Variants in ORC3 observed in about 807,000 individuals in gnomAD.
The protein encoded by ORC3 is origin recognition complex subunit 3.
In ORC3, 78 loss-of-function variants were observed where a neutral mutation model predicts 100.7. The ratio of observed to expected loss-of-function variants is 0.77; its 90% CI spans 0.65 to 0.94. The LOEUF (loss-of-function observed/expected upper bound fraction) is 0.94, where lower values mean the gene tolerates loss of function less well. Ranked by LOEUF, ORC3 falls within the 40% of genes least tolerant of loss-of-function variation. The probability of loss-of-function intolerance (pLI) is 0.00; values close to 1 mark genes in which losing one functional copy is unlikely to be tolerated. For synonymous variants in ORC3, 295 were observed against 289.3 expected, an observed-to-expected ratio of 1.02 and a Z score of -0.20; for missense variants, 789 against 823.9, an observed-to-expected ratio of 0.96 and a Z score of 0.52.
chr6:87,653,219 G>T lies in ORC3; in HGVS notation c.1486G>T (p.Glu496Ter). Residue 496 changes from glutamate to a stop codon, truncating the protein, a stop_gained, in exon 14 of 20, where the codon GAG becomes TAG. Transcript: ENST00000392844. LOFTEE classifies it high-confidence loss of function. ...HLGSTAKRIE[E>*]FLAQFQSLDE... is the part of the protein sequence containing the mutation. ...TGGCAGCACAGCTAAGAGAATAGAG[G>T]AGTTCCTGGCCCAGTTTCAGAGCCT... The T allele has an allele frequency of 6.2e-7, 1 of 1,613,872 alleles. No homozygotes were observed. Among genetic ancestry groups the T allele is most frequent in the South Asian group, 1.1e-5 (1 of 91,066 alleles).
chr6:87,618,009 CT>C (rs1488383147), intron 9 of ORC3, among the ~76,000 whole-genome samples: 2 of 152,164 alleles, frequency 1.3e-5, no homozygotes, highest in African/African-American at 4.8e-5. Context: ...TAAGATTAAA[CT>C]TTCTAAATTA....
At chr6:87,647,158 A>G (rs1768859538) in intron 13 of ORC3, among the ~76,000 whole-genome samples, 1 of 152,138 alleles carries the variant, frequency 6.6e-6, no homozygotes, top group Non-Finnish European at 1.5e-5. Context: ...AATATTTCAG[A>G]TAATGTTACT....
chr6:87,625,222 T>G (rs1385372171), intron 11 of ORC3, among the ~76,000 whole-genome samples: 3 of 152,188 alleles, frequency 2.0e-5, no homozygotes, highest in East Asian at 3.9e-4. Flanking sequence ...GTAATGGGAT[T>G]GCTGGGTCAA....
At chr6:87,634,821 A>G in intron 11 of ORC3, 24 bp from the exon 12 acceptor site, 1 of 1,065,354 alleles carries the variant, frequency 9.4e-7, no homozygotes, top group Non-Finnish European at 1.5e-6. Flanking sequence ...CTTACATATT[A>G]ATAATATATT....
At chr6:87,673,690 A>G in the ORC3 span, among the ~76,000 whole-genome samples, 1 of 151,884 alleles carries the variant, frequency 6.6e-6, no homozygotes, top group East Asian at 1.9e-4. Context: ...AAAATACAAA[A>G]ATTAGCTGGG....
intron 8 of ORC3, among the ~76,000 whole-genome samples, chr6:87,616,105 A>G (rs994198812): frequency 6.6e-6 from 1 of 152,110 alleles, no homozygotes; most frequent in Non-Finnish European, 1.5e-5. Context: ...GGTTCTGAAG[A>G]TACAGTATAA....
At chr6:87,656,197 C>T (rs1021168750) in intron 14 of ORC3, among the ~76,000 whole-genome samples, 8 of 152,244 alleles carry the variant, frequency 5.3e-5, no homozygotes, top group African/African-American at 1.9e-4. Context: ...CTACCCTCCT[C>T]ATACTCAAAT....
At chr6:87,653,856 G>A (rs1365299120) in intron 14 of ORC3, among the ~76,000 whole-genome samples, 2 of 152,146 alleles carry the variant, frequency 1.3e-5, no homozygotes, top group Non-Finnish European at 2.9e-5. Flanking sequence ...ACCTCCACAT[G>A]ATCATTTATA....
intron 2 of ORC3, among the ~76,000 whole-genome samples, chr6:87,599,502 G>T (rs868606939): frequency 9.2e-5 from 14 of 151,840 alleles, no homozygotes; most frequent in Non-Finnish European, 1.0e-4. Context: ...TGAGTACCTG[G>T]GACTACAGGT....
At chr6:87,610,322 C>T (rs1466214690) in intron 7 of ORC3, among the ~76,000 whole-genome samples, 3 of 151,962 alleles carry the variant, frequency 2.0e-5, no homozygotes, top group African/African-American at 7.3e-5. Context: ...AGTTCTCATG[C>T]CTCAGCCTCC....
intron 9 of ORC3, among the ~76,000 whole-genome samples, 165 bp downstream of exon 9, chr6:87,616,592 C>G (rs1196201633): frequency 6.6e-6 from 1 of 152,100 alleles, no homozygotes; most frequent in Non-Finnish European, 1.5e-5. Context: ...TACCTTGCAG[C>G]AAACTGTAGA....
chr6:87,607,862 C>T (rs749534503), intron 6 of ORC3, 38 bp downstream of exon 6: 26 of 1,476,492 alleles, frequency 1.8e-5, no homozygotes, highest in Middle Eastern at 1.7e-4. Context: ...AGGAAATTGA[C>T]GTATGATTGA....
intron 9 of ORC3, among the ~76,000 whole-genome samples, chr6:87,617,053 T>C (rs562855318): frequency 6.6e-6 from 1 of 152,324 alleles, no homozygotes; most frequent in Admixed American, 6.5e-5. Context: ...CCACCTTGGT[T>C]CCCAGAGTGC....
chr6:87,636,583 T>C (rs1309869501), intron 13 of ORC3, 97 bp downstream of exon 13: 5 of 732,296 alleles, frequency 6.8e-6, no homozygotes, highest in Non-Finnish European at 9.8e-6. Flanking sequence ...AAAAGTTTCA[T>C]AAATAGCCAT....
At chr6:87,646,496 T>C (rs796484505) in intron 13 of ORC3, among the ~76,000 whole-genome samples, 2 of 152,254 alleles carry the variant, frequency 1.3e-5, no homozygotes, top group South Asian at 4.1e-4. Context: ...TTGGAAAGCA[T>C]TGTCTCACTG....
At chr6:87,607,898 T>A in intron 6 of ORC3, 74 bp downstream of exon 6, 1 of 1,004,414 alleles carries the variant, frequency 1.0e-6, no homozygotes, top group Non-Finnish European at 1.5e-6. Flanking sequence ...TATTAGACAG[T>A]ACTGTTTTGA....
At chr6:87,638,225 G>A (rs1242935255) in intron 13 of ORC3, among the ~76,000 whole-genome samples, 2 of 152,198 alleles carry the variant, frequency 1.3e-5, no homozygotes, top group Non-Finnish European at 2.9e-5. Context: ...CCTACAGCAA[G>A]GACAGGCAGG....
chr6:87,656,582 A>G (rs1769711439), intron 14 of ORC3, among the ~76,000 whole-genome samples: 2 of 151,866 alleles, frequency 1.3e-5, no homozygotes, highest in South Asian at 4.1e-4. Context: ...GCAAGACTCC[A>G]TCTGAAAAAA....
intron 1 of ORC3, among the ~76,000 whole-genome samples, chr6:87,592,710 C>T (rs906690720): frequency 2.0e-5 from 3 of 152,152 alleles, no homozygotes; most frequent in Non-Finnish European, 4.4e-5. Context: ...AGTTGCACAG[C>T]GGTCTTTAAC....
Sources: allele counts gnomAD v4.1 joint callset (sites outside exome capture counted in the v4.1 genomes callset), GRCh38; gene constraint gnomAD v4.1.1; transcripts MANE v1.5; gene names NCBI Gene and HGNC (gene_info 2026-07-23, HGNC 2026-07-21).